Variants in FAM234B observed in about 807,000 individuals in gnomAD.
FAM234B encodes family with sequence similarity 234 member B.
FAM234B carries 33 observed loss-of-function variants against 69.3 expected under a neutral mutation model. That is an observed-to-expected ratio of 0.48 (90% CI 0.36 to 0.64). The LOEUF is 0.64. Among genes scored for constraint, FAM234B ranks in the 30% least tolerant of loss-of-function variants. FAM234B has a pLI of 0.00. For synonymous variants in FAM234B, 306 were observed against 306.9 expected, an observed-to-expected ratio of 1.00 and a Z score of 0.03; for missense variants, 697 against 769.7, an observed-to-expected ratio of 0.91 and a Z score of 1.12.
intron 4 of FAM234B, chr12:13,062,573 T>TG: frequency 3.4e-6 from 1 of 290,508 alleles, no homozygotes; most frequent in Non-Finnish European, 6.5e-6. Flanking sequence ...GAGCCCTTCT[T>TG]TGTTGGAAAG....
rs62636617 is a variant in FAM234B at position 13,058,488 on chromosome 12, T to G, written c.471T>G (p.Asn157Lys). ...DLSPLELADV[N>K]GDGLRDVLLS... is the part of the protein sequence containing the mutation. ...CTCCATTGGAATTGGCTGATGTGAA[T>G]GGAGATGGCCTGCGTGATGTGCTTC... Residue 157 changes from asparagine (N) to lysine (K), a missense_variant, in exon 3 of 13, where the codon AAT becomes AAG. Physicochemically the swap from Asn to Lys is moderately conservative, Grantham distance 94. Coordinates refer to ENST00000197268, the MANE Select transcript of FAM234B (RefSeq NM_020853.2). The G allele has an allele frequency of 6.2e-7, 1 of 1,614,052 alleles. No individual in the cohort carries two copies. The highest frequency in any genetic ancestry group is 2.2e-5 in the East Asian group (1 of 44,876).
intron 1 of FAM234B, among the ~76,000 whole-genome samples, chr12:13,047,492 TATAGA>T (rs1701707244): frequency 6.6e-6 from 1 of 152,220 alleles, no homozygotes; most frequent in African/African-American, 2.4e-5. Context: ...TAGTATATGT[TATAGA>T]ATAGTGTATG....
At chr12:13,052,761 G>A (rs1935110127) in intron 1 of FAM234B, among the ~76,000 whole-genome samples, 1 of 152,196 alleles carries the variant, frequency 6.6e-6, no homozygotes, top group Admixed American at 6.5e-5. Flanking sequence ...TGTAGCAAGT[G>A]TCAGAAGTTC....
chr12:13,074,429 G>C (rs556241928), intron 10 of FAM234B, among the ~76,000 whole-genome samples: 1 of 152,252 alleles, frequency 6.6e-6, no homozygotes, highest in African/African-American at 2.4e-5. Flanking sequence ...CAAAGAGGGG[G>C]CCAAGGTGGG....
intron 11 of FAM234B, among the ~76,000 whole-genome samples, chr12:13,077,947 T>G (rs976955484): frequency 6.6e-6 from 1 of 151,902 alleles, no homozygotes; most frequent in Non-Finnish European, 1.5e-5. Context: ...CCTGACTTTT[T>G]AATGATTGCC....
intron 5 of FAM234B, among the ~76,000 whole-genome samples, chr12:13,064,499 C>T (rs1865016468): frequency 6.6e-6 from 1 of 152,144 alleles, no homozygotes; most frequent in South Asian, 2.1e-4. Context: ...TGGCTCAGGC[C>T]CTTGGGGACC....
intron 9 of FAM234B, 76 bp downstream of exon 9, chr12:13,068,787 G>T: frequency 2.1e-6 from 2 of 935,692 alleles, no homozygotes. Flanking sequence ...GTTAGGCACA[G>T]CAGGGAATAA....
chr12:13,080,618 T>G lies in FAM234B; in HGVS notation c.1864-7T>G. 2 of 1,605,678 alleles carry G rather than the reference T, an allele frequency of 1.2e-6. No homozygotes were observed. The highest frequency in any genetic ancestry group is 1.7e-6 in the Non-Finnish European group (2 of 1,172,450). On this transcript the variant is annotated splice_polypyrimidine_tract_variant and splice_region_variant and intron_variant, in intron 12 of 12. Coordinates refer to ENST00000197268, the MANE Select transcript of FAM234B (RefSeq NM_020853.2). ...ACAATAAAGTCACGATAACTCTTTT[T>G]CCATAGATCTAATCTGATGGAATCT...
Position 13,067,179 on chromosome 12 carries a change from G to A in FAM234B, c.1025G>A (p.Arg342Gln), listed in dbSNP as rs761030760. Residue 342 changes from arginine (R) to glutamine (Q), a missense_variant, in exon 7 of 13, where the codon CGG (arginine) becomes CAG (glutamine). Coordinates refer to ENST00000197268, the MANE Select transcript of FAM234B (RefSeq NM_020853.2). This position sits in a 1 kb window ranked among gnomAD's most constrained non-coding sequence, Gnocchi z 4.7. ...GFGNIQAVALRDIFVQAQNRD... is the reference protein window; with the variant it reads ...GFGNIQAVALQDIFVQAQNRD... Reference sequence around the variant, plus strand: ...GGAAATATACAAGCTGTCGCACTGCGGGACATTTTTGTTCAGGCCCAAAAT... The same window carrying A: ...GGAAATATACAAGCTGTCGCACTGCAGGACATTTTTGTTCAGGCCCAAAAT... The A allele has an allele frequency of 2.3e-5, 37 of 1,613,858 alleles. No homozygotes were observed. In the East Asian group the frequency reaches 6.0e-4, roughly 26 times the overall value.
chr12:13,057,947 A>G (rs1158396325), intron 2 of FAM234B, among the ~76,000 whole-genome samples: 4 of 152,230 alleles, frequency 2.6e-5, no homozygotes, highest in African/African-American at 7.2e-5. Context: ...CAGGCTCCAC[A>G]TTCAGCCTTT....
chr12:13,054,557 A>G (rs1285133431), intron 1 of FAM234B, among the ~76,000 whole-genome samples: 1 of 152,204 alleles, frequency 6.6e-6, no homozygotes, highest in Non-Finnish European at 1.5e-5. Context: ...CCCCTTTTTA[A>G]TTAGCTGGGT....
At chr12:13,048,324 CT>C (rs1864834232) in intron 1 of FAM234B, among the ~76,000 whole-genome samples, 2 of 152,158 alleles carry the variant, frequency 1.3e-5, no homozygotes, top group African/African-American at 4.8e-5. Context: ...TTTGGCCTGG[CT>C]GCTTATAGGA....
intron 10 of FAM234B, 55 bp from the exon 11 acceptor site, chr12:13,075,971 C>A: frequency 8.0e-7 from 1 of 1,252,936 alleles, no homozygotes; most frequent in Non-Finnish European, 1.2e-6. Flanking sequence ...TGAGGACTGT[C>A]ACGTGTGGGA....
intron 1 of FAM234B, among the ~76,000 whole-genome samples, chr12:13,052,177 C>A (rs1384755298): frequency 6.6e-6 from 1 of 152,078 alleles, no homozygotes; most frequent in Non-Finnish European, 1.5e-5. Context: ...AGATAATTGG[C>A]AACTTCCCAG....
chr12:13,065,592 T>G (rs1469064885), intron 5 of FAM234B, among the ~76,000 whole-genome samples: 1 of 152,252 alleles, frequency 6.6e-6, no homozygotes, highest in Non-Finnish European at 1.5e-5. Flanking sequence ...TAGACCAGTT[T>G]ATTTTTTTGT....
At chr12:13,057,438 T>C (rs1864942424) in intron 2 of FAM234B, among the ~76,000 whole-genome samples, 1 of 150,868 alleles carries the variant, frequency 6.6e-6, no homozygotes, top group South Asian at 2.1e-4. Flanking sequence ...TGATGAACCT[T>C]TAAGTAATGC....
chr12:13,068,198 C>A, intron 7 of FAM234B, 106 bp from the exon 8 acceptor site: 1 of 1,081,408 alleles, frequency 9.2e-7, no homozygotes, highest in Non-Finnish European at 1.4e-6. Context: ...GGCATGAATA[C>A]AAGAGTGTGT....
intron 1 of FAM234B, among the ~76,000 whole-genome samples, chr12:13,046,371 TG>T (rs1864812177): frequency 6.6e-6 from 1 of 152,202 alleles, no homozygotes; most frequent in Non-Finnish European, 1.5e-5. Flanking sequence ...CCCCTGTAAT[TG>T]GGGTCCTGAG....
chr12:13,073,815 G>A (rs189618879), intron 10 of FAM234B, among the ~76,000 whole-genome samples: 49 of 152,280 alleles, frequency 3.2e-4, no homozygotes, highest in South Asian at 1.0e-3. Flanking sequence ...TCTTCAGTTA[G>A]GGCATGAACA....
Sources: allele counts gnomAD v4.1 joint callset (sites outside exome capture counted in the v4.1 genomes callset), GRCh38; gene constraint gnomAD v4.1.1; non-coding constraint Gnocchi (gnomAD v3.1); transcripts MANE v1.5; gene names NCBI Gene and HGNC (gene_info 2026-07-23, HGNC 2026-07-21).